EVA1A: variants seen among roughly 807,000 people sequenced by gnomAD.
EVA1A encodes protein eva-1 homolog A.
EVA1A carries 7 observed loss-of-function variants against 9.8 expected under a neutral mutation model. That is an observed-to-expected ratio of 0.71 (90% CI 0.41 to 1.34). The LOEUF is 1.34. EVA1A is among the 40% of genes most tolerant of loss of function. The probability of loss-of-function intolerance (pLI) is 0.01; values close to 1 mark genes in which losing one functional copy is unlikely to be tolerated. For synonymous variants in EVA1A, 90 were observed against 85.6 expected (o/e 1.05, Z -0.28); for missense variants, 206 against 205.9 (o/e 1.00, Z 0.00).
intron 1 of EVA1A, among the ~76,000 whole-genome samples, chr2:75,534,760 T>C (rs1426947757): frequency 6.6e-6 from 1 of 152,232 alleles, no homozygotes; most frequent in African/African-American, 2.4e-5. Context: ...TTTAGTTTAA[T>C]TGGATTCCAT....
Position 75,545,454 on chromosome 2 carries a change from A to G in EVA1A, c.-192+15226T>C, listed in dbSNP as rs74848140. On this transcript the variant is annotated intron_variant, in intron 1 of 3. Coordinates refer to ENST00000393913, the MANE Select transcript of EVA1A (RefSeq NM_001135032.2). Reference sequence around the variant, plus strand: ...ACCATCTTCCCATAGGCAAATAAGAAGGCTTCTCTGTGGGAAGCAGGGCAG... The same window carrying G: ...ACCATCTTCCCATAGGCAAATAAGAGGGCTTCTCTGTGGGAAGCAGGGCAG... Among the ~76,000 whole-genome samples, 847 of 152,304 alleles carry G rather than the reference A, an allele frequency of 5.6e-3. 8 individuals carry two copies. The highest frequency in any genetic ancestry group is 0.019 in the African/African-American group (791 of 41,570).
At chr2:75,520,546 T>C (rs1675198262) in intron 2 of EVA1A, among the ~76,000 whole-genome samples, 1 of 152,136 alleles carries the variant, frequency 6.6e-6, no homozygotes. Context: ...CCCTTACATA[T>C]ATATATGTTC....
At chr2:75,529,093 T>C (rs533218899) in intron 1 of EVA1A, among the ~76,000 whole-genome samples, 1 of 152,300 alleles carries the variant, frequency 6.6e-6, no homozygotes, top group Admixed American at 6.5e-5. Context: ...GGTGCTGGTA[T>C]CCATGGCTGA....
chr2:75,534,657 A>G (rs1362909264), intron 1 of EVA1A, among the ~76,000 whole-genome samples: 3 of 152,036 alleles, frequency 2.0e-5, no homozygotes, highest in Non-Finnish European at 4.4e-5. Flanking sequence ...TTTAAAAATG[A>G]CCCTTTGTTG....
intron 1 of EVA1A, among the ~76,000 whole-genome samples, chr2:75,555,224 T>C (rs778649209): frequency 6.6e-6 from 1 of 152,060 alleles, no homozygotes; most frequent in Non-Finnish European, 1.5e-5. Context: ...CCAGGAAATG[T>C]GTGAATCCTA....
Position 75,532,157 on chromosome 2 carries a change from C to T in EVA1A, c.-191-9670G>A, listed in dbSNP as rs1189822790. 1.7e-4 allele frequency among the ~76,000 whole-genome samples: 7 copies of T among 40,594 alleles called. No homozygotes were observed. The Admixed American group carries it at 2.6e-3, about 15-fold the overall frequency. 26.6% of individuals were successfully genotyped at this position (40,594 alleles called of 152,430 possible). ...CCTGGGTGACAGAGTGAGACTCTGT[C>T]TCAAAAAAAAAAAAAAAAAAAAAAA... On this transcript the variant is annotated intron_variant, in intron 1 of 3. Transcript: ENST00000393913.
At chr2:75,497,685 T>C (rs1674259981) in intron 3 of EVA1A, among the ~76,000 whole-genome samples, 1 of 151,286 alleles carries the variant, frequency 6.6e-6, no homozygotes, top group Non-Finnish European at 1.5e-5. Context: ...AAACCCATCA[T>C]TAAAAAAACA....
chr2:75,568,014 A>T (rs1677059075), intron 1 of EVA1A, among the ~76,000 whole-genome samples: 1 of 152,208 alleles, frequency 6.6e-6, no homozygotes, highest in South Asian at 2.1e-4. Context: ...ATTTATTTTA[A>T]ATGGCTTGCT....
chr2:75,506,313 C>A (rs1674619720), intron 3 of EVA1A, among the ~76,000 whole-genome samples: 2 of 152,190 alleles, frequency 1.3e-5, no homozygotes, highest in Admixed American at 1.3e-4. Flanking sequence ...AGGATACATA[C>A]TATTATAGCT....
chr2:75,534,079 TA>T (rs1423925067), intron 1 of EVA1A, among the ~76,000 whole-genome samples: 1 of 151,942 alleles, frequency 6.6e-6, no homozygotes, highest in Non-Finnish European at 1.5e-5. Flanking sequence ...CCCAATAATT[TA>T]AAAAAGCACT....
chr2:75,555,337 C>CTCT (rs1553421931), intron 1 of EVA1A, among the ~76,000 whole-genome samples: 37 of 127,000 alleles, frequency 2.9e-4, no homozygotes, highest in African/African-American at 4.9e-4. Flanking sequence ...CTCTCTCTCT[C>CTCT]CCCCATCTCC....
At chr2:75,560,045 A>G (rs1249545230) in intron 1 of EVA1A, among the ~76,000 whole-genome samples, 1 of 152,134 alleles carries the variant, frequency 6.6e-6, no homozygotes, top group African/African-American at 2.4e-5. Context: ...TTACCCCTCA[A>G]TAGTAGGGGT....
At chr2:75,508,099 A>G (rs1390198930) in intron 3 of EVA1A, among the ~76,000 whole-genome samples, 1 of 152,132 alleles carries the variant, frequency 6.6e-6, no homozygotes, top group African/African-American at 2.4e-5. Context: ...CTTTTATCTC[A>G]ATCCTGTCAG....
intron 1 of EVA1A, chr2:75,542,549 T>G (rs1026915886): frequency 5.9e-5 from 9 of 152,346 alleles, no homozygotes; most frequent in African/African-American, 2.2e-4. Context: ...CCTGCATCAC[T>G]GCATTTCCGA....
intron 2 of EVA1A, among the ~76,000 whole-genome samples, chr2:75,519,572 A>G (rs913131673): frequency 6.6e-6 from 1 of 152,134 alleles, no homozygotes; most frequent in African/African-American, 2.4e-5. Context: ...AGGGACTTTG[A>G]AAAGAGACTG....
chr2:75,539,406 T>A (rs1252094501), intron 1 of EVA1A, among the ~76,000 whole-genome samples: 2 of 152,234 alleles, frequency 1.3e-5, no homozygotes, highest in African/African-American at 4.8e-5. Context: ...AGCTCCACCA[T>A]GCCCTATCTT....
intron 3 of EVA1A, among the ~76,000 whole-genome samples, chr2:75,506,053 AAC>A (rs1172938295): frequency 6.6e-6 from 1 of 152,184 alleles, no homozygotes; most frequent in African/African-American, 2.4e-5. Context: ...CACAGCATAT[AAC>A]ACTGTTCAAT....
In EVA1A at chr2:75,518,165, G is replaced by A. The variant is rs1288103175; in HGVS notation, c.-25C>T. ...TGGGACATCCAGAGGGGACCTCCTGGAGGTGCTTGGCTGAATCAACGTGGC... is the reference window on the plus strand; with the variant it reads ...TGGGACATCCAGAGGGGACCTCCTGAAGGTGCTTGGCTGAATCAACGTGGC... On this transcript the variant is annotated 5_prime_UTR_variant, in exon 3 of 4. Coordinates refer to ENST00000393913, the MANE Select transcript of EVA1A (RefSeq NM_001135032.2). 1 of 1,610,666 alleles carries A rather than the reference G, an allele frequency of 6.2e-7. No homozygotes were observed. Among genetic ancestry groups the A allele is most frequent in the Admixed American group, 1.7e-5 (1 of 59,132 alleles).
intron 1 of EVA1A, among the ~76,000 whole-genome samples, chr2:75,549,937 G>A (rs778179366): frequency 4.5e-4 from 69 of 152,094 alleles, no homozygotes; most frequent in Admixed American, 4.1e-3. Flanking sequence ...TGAGCCTCAG[G>A]GATGTCAGCA....
Sources: allele counts gnomAD v4.1 joint callset (sites outside exome capture counted in the v4.1 genomes callset), GRCh38; gene constraint gnomAD v4.1.1; transcripts MANE v1.5; gene names NCBI Gene and HGNC (gene_info 2026-07-23, HGNC 2026-07-21).